The following RAB18 variants were observed in gnomAD, a reference collection of about 807,000 sequenced individuals.
RAB18 encodes ras-related protein Rab-18.
Under a neutral mutation model 28.5 loss-of-function variants are expected in RAB18, and 10 were observed. The observed-to-expected ratio is 0.35, with a 90% CI of 0.22 to 0.60. The LOEUF is 0.60. Among genes scored for constraint, RAB18 ranks in the 20% least tolerant of loss-of-function variants. The pLI, the probability that RAB18 is intolerant of heterozygous loss-of-function variation, is 0.78. For missense variants in RAB18, 188 were observed against 244.2 expected, an observed-to-expected ratio of 0.77 and a Z score of 1.53; for synonymous variants, 93 against 86.9, an observed-to-expected ratio of 1.07 and a Z score of -0.39.
In RAB18 at chr10:27,539,533, A is replaced by G. The variant is rs778679085; in HGVS notation, c.*1482A>G. ...TATACATTCTATATGCTTTTACTAA[A>G]TATACAAGATTTACTACTAGAAATT... is the stretch of plus-strand genomic sequence containing the variant. On this transcript the variant is annotated 3_prime_UTR_variant, in exon 7 of 7. Transcript: ENST00000356940. The G allele has an allele frequency of 2.6e-6, 1 of 391,794 alleles. No homozygotes were observed. The highest frequency in any genetic ancestry group is 2.0e-5 in the South Asian group (1 of 50,826). The allele number at this position is 391,794 out of a possible 1,614,324, so 24.3% of individuals were successfully genotyped here.
At chr10:27,518,069 T>A (rs1197355683) in intron 2 of RAB18, among the ~76,000 whole-genome samples, 1 of 152,234 alleles carries the variant, frequency 6.6e-6, no homozygotes, top group South Asian at 2.1e-4. Flanking sequence ...TGTTTGTTCC[T>A]TTTTATTGCT....
At chr10:27,512,914 T>G (rs184050572) in intron 2 of RAB18, among the ~76,000 whole-genome samples, 5 of 151,918 alleles carry the variant, frequency 3.3e-5, no homozygotes, top group African/African-American at 1.2e-4. Context: ...CTGGTGAAAA[T>G]ATATGTAATT....
intron 6 of RAB18, among the ~76,000 whole-genome samples, chr10:27,536,305 G>A (rs1327100145): frequency 6.6e-6 from 1 of 152,210 alleles, no homozygotes; most frequent in East Asian, 1.9e-4. Flanking sequence ...TCAAGGTCAT[G>A]TGATTAGAGT....
intron 6 of RAB18, among the ~76,000 whole-genome samples, chr10:27,537,596 A>T (rs1220638373): frequency 6.6e-6 from 1 of 152,230 alleles, no homozygotes; most frequent in Non-Finnish European, 1.5e-5. Flanking sequence ...CTCGCTATTT[A>T]AGTAGGGCTT....
chr10:27,537,678 T>C (rs1277234657), intron 6 of RAB18, among the ~76,000 whole-genome samples, 198 bp from the exon 7 acceptor site: 1 of 152,188 alleles, frequency 6.6e-6, no homozygotes. Context: ...TATATACTAG[T>C]ATTCTTATGG....
At chr10:27,526,768 G>A (rs1240871411) in intron 2 of RAB18, 60 bp from the exon 3 acceptor site, 1 of 1,604,156 alleles carries the variant, frequency 6.2e-7, no homozygotes. Context: ...GGTTTTCTTG[G>A]TAATGGATTT....
chr10:27,540,839 C>T lies in RAB18; in HGVS notation c.*2788C>T, dbSNP rs886046974. ...GGAAATAGACTTGATTTTGATTCAT[C>T]GTAGCTTGCATGGTCAAGAGACATG... On this transcript the variant is annotated 3_prime_UTR_variant, in exon 7 of 7. Coordinates refer to ENST00000356940, the MANE Select transcript of RAB18 (RefSeq NM_021252.5). 6.6e-6 allele frequency: 3 copies of T among 453,914 alleles called. No homozygotes were observed. The highest frequency in any genetic ancestry group is 6.9e-5 in the East Asian group (1 of 14,402). The allele number at this position is 453,914 out of a possible 1,614,324, so 28.1% of individuals were successfully genotyped here.
intron 2 of RAB18, among the ~76,000 whole-genome samples, chr10:27,521,220 C>G (rs1286482137): frequency 6.6e-6 from 1 of 151,858 alleles, no homozygotes; most frequent in Non-Finnish European, 1.5e-5. Flanking sequence ...ATGGCCTATC[C>G]TGGAGAATGT....
intron 2 of RAB18, among the ~76,000 whole-genome samples, chr10:27,526,299 T>G (rs1324712463): frequency 6.6e-6 from 1 of 152,192 alleles, no homozygotes; most frequent in East Asian, 1.9e-4. Flanking sequence ...AAAATAGTAT[T>G]TTTTTAGGAT....
At position 27,540,870 on chromosome 10, in the gene RAB18, C is replaced by CAGT; in HGVS notation, c.*2819_*2820insAGT. 1 of 454,060 alleles carries CAGT rather than the reference C, an allele frequency of 2.2e-6. No homozygotes were observed. Among genetic ancestry groups the CAGT allele is most frequent in the Non-Finnish European group, 4.4e-6 (1 of 226,774 alleles). 28.1% of individuals were successfully genotyped at this position (454,060 alleles called of 1,614,324 possible). A position where few individuals can be genotyped will look rare whatever the true frequency, so the allele number is the denominator to read the frequency against. On this transcript the variant is annotated 3_prime_UTR_variant, in exon 7 of 7. Transcript: ENST00000356940. ...TTGCATGGTCAAGAGACATGATTCT[C>CAGT]TACTAAGGGTGGGGCTAGCACCATA...
chr10:27,531,460 C>T, intron 3 of RAB18: 7 of 1,502,854 alleles, frequency 4.7e-6, no homozygotes, highest in East Asian at 2.5e-5. Flanking sequence ...AACAAACCCT[C>T]ATTTACAGCA....
At chr10:27,507,651 G>T (rs2138965109) in intron 1 of RAB18, among the ~76,000 whole-genome samples, 1 of 151,650 alleles carries the variant, frequency 6.6e-6, no homozygotes, top group South Asian at 2.1e-4. Flanking sequence ...AAGTGCCATG[G>T]TGGTAGTTAC....
At chr10:27,526,998 A>G in intron 3 of RAB18, 109 bp downstream of exon 3, 1 of 1,209,814 alleles carries the variant, frequency 8.3e-7, no homozygotes, top group African/African-American at 1.5e-5. Flanking sequence ...TTTGTATTAA[A>G]TAACTTTTGG....
At chr10:27,525,296 T>G (rs1169580049) in intron 2 of RAB18, among the ~76,000 whole-genome samples, 1 of 152,142 alleles carries the variant, frequency 6.6e-6, no homozygotes, top group Non-Finnish European at 1.5e-5. Flanking sequence ...TGAAAAACCT[T>G]GAGAATTTAA....
At chr10:27,523,059 T>C (rs1331845933) in intron 2 of RAB18, among the ~76,000 whole-genome samples, 1 of 152,070 alleles carries the variant, frequency 6.6e-6, no homozygotes. Flanking sequence ...TGCTGCTTTT[T>C]CTATTGTCTT....
intron 1 of RAB18, chr10:27,505,184 G>GATC (rs1210134805): frequency 1.9e-6 from 1 of 528,578 alleles, no homozygotes. Flanking sequence ...GTGGAGTTGA[G>GATC]TATAAGGTAA....
intron 2 of RAB18, among the ~76,000 whole-genome samples, chr10:27,521,381 G>A (rs2763311): frequency 0.99 from 151,038 of 152,300 alleles, 74,904 homozygotes; most frequent in Middle Eastern, 1. Flanking sequence ...TGTTTATCCT[G>A]TGAAAAAGAC....
chr10:27,537,479 G>T (rs953156416), intron 6 of RAB18, among the ~76,000 whole-genome samples: 9 of 152,126 alleles, frequency 5.9e-5, no homozygotes, highest in African/African-American at 2.2e-4. Context: ...AGAATAATCA[G>T]ATTAATTGTT....
intron 1 of RAB18, among the ~76,000 whole-genome samples, chr10:27,509,422 T>G (rs1477611993): frequency 6.6e-6 from 1 of 152,234 alleles, no homozygotes; most frequent in Non-Finnish European, 1.5e-5. Flanking sequence ...GGCTTTGATA[T>G]ATTTCTGGTT....
Sources: gnomAD v4.1 joint callset for allele counts (sites outside exome capture counted in the v4.1 genomes callset) on GRCh38, gnomAD v4.1.1 for gene constraint, MANE v1.5 for transcripts, NCBI Gene and HGNC (gene_info 2026-07-23, HGNC 2026-07-21) for gene names.